Variants in HEATR4 observed in about 807,000 individuals in gnomAD.
HEATR4 encodes HEAT repeat containing 4.
HEATR4 carries 95 observed loss-of-function variants against 108.8 expected under a neutral mutation model. The observed-to-expected ratio is 0.87, with a 90% CI of 0.74 to 1.04. The LOEUF (loss-of-function observed/expected upper bound fraction) is 1.04. Among genes scored for constraint, HEATR4 ranks in the 50% least tolerant of loss-of-function variants. HEATR4 has a pLI of 0.00. For synonymous variants in HEATR4, 443 were observed against 459.4 expected (o/e 0.96, Z 0.46); for missense variants, 1,152 against 1,253.8 (o/e 0.92, Z 1.23).
chr14:73,558,370 G>GTTTT (rs67300726), intron 1 of HEATR4, among the ~76,000 whole-genome samples: 1 of 120,310 alleles, frequency 8.3e-6, no homozygotes, highest in African/African-American at 3.0e-5. Flanking sequence ...GCCTTGATTT[G>GTTTT]TTTTTTTTTT....
chr14:73,606,782 A>G, the HEATR4 span, among the ~76,000 whole-genome samples: 7 of 152,302 alleles, frequency 4.6e-5, no homozygotes, highest in East Asian at 1.4e-3. Context: ...AACCTAGGCC[A>G]CTGTGCGAGA....
At chr14:73,622,262 T>C in the HEATR4 span, among the ~76,000 whole-genome samples, 1 of 152,164 alleles carries the variant, frequency 6.6e-6, no homozygotes, top group Non-Finnish European at 1.5e-5. Context: ...ACTCCACATC[T>C]ATATGTATTG....
the HEATR4 span, among the ~76,000 whole-genome samples, chr14:73,604,873 A>G: frequency 2.0e-5 from 3 of 152,190 alleles, no homozygotes; most frequent in Admixed American, 6.5e-5. Flanking sequence ...CTAAGGTCTA[A>G]TAAGCAGGCA....
At chr14:73,570,500 CAG>C in the HEATR4 span, among the ~76,000 whole-genome samples, 11 of 152,032 alleles carry the variant, frequency 7.2e-5, no homozygotes, top group South Asian at 4.2e-4. Context: ...ACCCGGGAGG[CAG>C]AGTTTGTAGT....
chr14:73,491,646 T>C, intron 17 of HEATR4: 4 of 1,549,888 alleles, frequency 2.6e-6, no homozygotes, highest in Non-Finnish European at 3.5e-6. Flanking sequence ...GAGTGGCTCA[T>C]CGCGCCCATG....
rs1566827511 is a variant in HEATR4 at position 73,502,911 on chromosome 14, C to T, written c.2089G>A (p.Val697Met). ...GGGTCTTACCTGATTATGTCGTGCA[C>T]CTCTTTCCCGAGGCTCATTTGCCCA... Reference protein sequence around the residue: ...ALGQMSLGKEVHDIIRVKLGQ... With the variant: ...ALGQMSLGKEMHDIIRVKLGQ... Residue 697 changes from valine to methionine, a missense_variant, in exon 11 of 18, where the codon GTG becomes ATG. By Grantham distance (21) the Val-to-Met change is conservative. Transcript: ENST00000553558. 1.2e-6 allele frequency: 2 copies of T among 1,613,320 alleles called. No homozygotes were observed. Among genetic ancestry groups the T allele is most frequent in the Non-Finnish European group, 1.7e-6 (2 of 1,179,396 alleles).
chr14:73,537,679 C>G, intron 1 of HEATR4: 2 of 1,246,072 alleles, frequency 1.6e-6, no homozygotes, highest in Non-Finnish European at 2.1e-6. Flanking sequence ...CCTTGGAGCC[C>G]GAGAAACCCT....
At chr14:73,521,901 CCAATCCCT>C (rs1401656951) in intron 3 of HEATR4, among the ~76,000 whole-genome samples, 2 of 152,218 alleles carry the variant, frequency 1.3e-5, no homozygotes, top group Non-Finnish European at 2.9e-5. Flanking sequence ...AGGTTGAGAA[CCAATCCCT>C]TTAAGAGCAG....
chr14:73,589,527 C>G, the HEATR4 span, among the ~76,000 whole-genome samples: 10 of 152,162 alleles, frequency 6.6e-5, no homozygotes, highest in African/African-American at 2.4e-4. Flanking sequence ...CCATGTTGGA[C>G]AGGCTCGTCT....
the HEATR4 span, chr14:73,593,918 C>A: frequency 6.3e-7 from 1 of 1,596,992 alleles, no homozygotes; most frequent in South Asian, 1.1e-5. Context: ...CTCCTCATGT[C>A]CTTTATTTAA....
intron 1 of HEATR4, among the ~76,000 whole-genome samples, chr14:73,557,265 G>A (rs2336133): frequency 8.8e-6 from 1 of 114,000 alleles, no homozygotes; most frequent in African/African-American, 2.8e-5. Context: ...TAGATCCCCA[G>A]CTGGAAAACG....
At chr14:73,566,040 T>C in the HEATR4 span, among the ~76,000 whole-genome samples, 3 of 152,024 alleles carry the variant, frequency 2.0e-5, no homozygotes, top group East Asian at 5.8e-4. Context: ...CCCACCAGAA[T>C]AGTTAGATAC....
chr14:73,534,807 CTTTT>C (rs553194860), intron 1 of HEATR4, among the ~76,000 whole-genome samples: 1 of 93,898 alleles, frequency 1.1e-5, no homozygotes, highest in Non-Finnish European at 2.3e-5. Context: ...ATCTTTTCTG[CTTTT>C]TTTTTTTTTT....
At position 73,495,157 on chromosome 14, in the gene HEATR4, C is replaced by T. The variant is rs1886036390; in HGVS notation, c.2785+71G>A. The stretch of plus-strand genomic sequence containing the variant: ...TCCTCTAAGGCTTGCTACTAAGTCC[C>T]AAAACATCCAGATCCTGGAAGAGGC... On this transcript the variant is annotated intron_variant, in intron 16 of 17. Transcript: ENST00000553558. 7 of 1,433,472 alleles carry T rather than the reference C, an allele frequency of 4.9e-6. No individual in the cohort carries two copies. In the East Asian group the frequency reaches 1.4e-4, roughly 28 times the overall value. 88.8% of individuals were successfully genotyped at this position (1,433,472 alleles called of 1,614,324 possible). A position where few individuals can be genotyped will look rare whatever the true frequency, so the allele number is the denominator to read the frequency against.
intron 6 of HEATR4, among the ~76,000 whole-genome samples, chr14:73,512,380 A>C (rs755127510): frequency 5.9e-5 from 9 of 152,200 alleles, no homozygotes; most frequent in South Asian, 4.1e-4. Context: ...CATCGTATCT[A>C]TCTCTCTTTC....
chr14:73,613,104 T>C, the HEATR4 span: 366 of 527,850 alleles, frequency 6.9e-4, no homozygotes, highest in African/African-American at 7.0e-3. Flanking sequence ...AATCGCGTGA[T>C]TGTGGAACAT....
In HEATR4 at chr14:73,547,081, C is replaced by T. The variant is rs562079608; in HGVS notation, c.-152+11670G>A. On this transcript the variant is annotated intron_variant, in intron 1 of 17. Coordinates refer to ENST00000553558, the MANE Select transcript of HEATR4 (RefSeq NM_001220484.1). ...AGCCTAGGCAACAAGAGCAAAACTCCGTCTCAAAAAAAGAAAAAAGACCCG... is the reference window on the plus strand; with the variant it reads ...AGCCTAGGCAACAAGAGCAAAACTCTGTCTCAAAAAAAGAAAAAAGACCCG... Among the ~76,000 whole-genome samples, 11 of 105,918 alleles carry T rather than the reference C, an allele frequency of 1.0e-4. 3 individuals are homozygous for T. Among genetic ancestry groups the T allele is most frequent in the South Asian group, 3.2e-4 (1 of 3,132 alleles). 69.5% of individuals were successfully genotyped at this position (105,918 alleles called of 152,430 possible). A position where few individuals can be genotyped will look rare whatever the true frequency, so the allele number is the denominator to read the frequency against.
At chr14:73,529,156 C>T (rs1217213662) in intron 2 of HEATR4, 1 of 151,900 alleles carries the variant, frequency 6.6e-6, no homozygotes, top group Non-Finnish European at 1.5e-5. Context: ...GAGTTCAAGA[C>T]CAGCTTGACC....
chr14:73,612,558 C>T, the HEATR4 span: 25 of 1,357,992 alleles, frequency 1.8e-5, no homozygotes, highest in Non-Finnish European at 2.2e-5. Context: ...CGCCCCTGTT[C>T]TACCCAGATT....
Sources: allele counts gnomAD v4.1 joint callset (sites outside exome capture counted in the v4.1 genomes callset), GRCh38; gene constraint gnomAD v4.1.1; transcripts MANE v1.5; gene names NCBI Gene and HGNC (gene_info 2026-07-23, HGNC 2026-07-21).